CTDSPL: variants seen among roughly 807,000 people sequenced by gnomAD.
CTDSPL encodes CTD small phosphatase like.
CTDSPL carries 8 observed loss-of-function variants against 30.5 expected under a neutral mutation model. The ratio of observed to expected loss-of-function variants is 0.26; its 90% CI spans 0.15 to 0.47. CTDSPL has a LOEUF of 0.47. Among genes scored for constraint, CTDSPL ranks in the 20% least tolerant of loss-of-function variants. The probability of loss-of-function intolerance (pLI) is 0.99; values close to 1 mark genes in which losing one functional copy is unlikely to be tolerated. For synonymous variants in CTDSPL, 110 were observed against 137.9 expected (o/e 0.80, Z 1.42); for missense variants, 248 against 366.1 (o/e 0.68, Z 2.63).
chr3:37,961,652 G>A (rs1699246407), intron 3 of CTDSPL, among the ~76,000 whole-genome samples: 1 of 152,184 alleles, frequency 6.6e-6, no homozygotes, highest in Non-Finnish European at 1.5e-5. Context: ...GAACATACAA[G>A]CAGGACAGCT....
At chr3:37,949,735 G>A (rs1035305001) in intron 2 of CTDSPL, among the ~76,000 whole-genome samples, 39 of 152,172 alleles carry the variant, frequency 2.6e-4, no homozygotes, top group African/African-American at 9.4e-4. Context: ...ACCACATGTG[G>A]ATGTATAGAA....
chr3:37,915,199 A>C (rs973873297), intron 1 of CTDSPL, among the ~76,000 whole-genome samples: 2 of 152,090 alleles, frequency 1.3e-5, no homozygotes, highest in Non-Finnish European at 2.9e-5. Context: ...TTGATACTCC[A>C]TTGATCTGTT....
chr3:37,866,065 C>G (rs951824193), intron 1 of CTDSPL, among the ~76,000 whole-genome samples: 1 of 152,212 alleles, frequency 6.6e-6, no homozygotes, highest in African/African-American at 2.4e-5. Context: ...GAAATAACCT[C>G]ATTTGTGCTC....
intron 1 of CTDSPL, among the ~76,000 whole-genome samples, chr3:37,906,718 G>A (rs948244554): frequency 6.6e-6 from 1 of 152,170 alleles, no homozygotes; most frequent in African/African-American, 2.4e-5. Context: ...AGAGTGTAAA[G>A]TGTGCTGCTG....
chr3:37,942,464 A>G (rs1203830776), intron 1 of CTDSPL, among the ~76,000 whole-genome samples: 1 of 150,306 alleles, frequency 6.7e-6, no homozygotes, highest in Non-Finnish European at 1.5e-5. Context: ...GTAGCATGAC[A>G]AGACCCTGTC....
chr3:37,964,717 A>T lies in CTDSPL; in HGVS notation c.369+45A>T, dbSNP rs201920839. On this transcript the variant is annotated intron_variant, in intron 4 of 7. Coordinates refer to ENST00000273179, the MANE Select transcript of CTDSPL (RefSeq NM_001008392.2). Reference sequence around the variant, plus strand: ...AAATCCATGATCTTTGTGATTTGATAACAATTGTATTGGAAAAGGGAAAAC... The same window carrying T: ...AAATCCATGATCTTTGTGATTTGATTACAATTGTATTGGAAAAGGGAAAAC... 2.1e-6 allele frequency: 3 copies of T among 1,438,580 alleles called. No homozygotes were observed. In the East Asian group the frequency reaches 6.8e-5, roughly 33 times the overall value. 89.1% of individuals were successfully genotyped at this position (1,438,580 alleles called of 1,614,324 possible).
intron 1 of CTDSPL, among the ~76,000 whole-genome samples, chr3:37,917,057 C>T (rs1357090207): frequency 6.6e-6 from 1 of 152,210 alleles, no homozygotes; most frequent in Non-Finnish European, 1.5e-5. Flanking sequence ...TGACCCTGTA[C>T]TGATGCCTGT....
intron 1 of CTDSPL, chr3:37,944,728 T>C (rs1206170033): frequency 1.3e-5 from 2 of 150,324 alleles, no homozygotes; most frequent in African/African-American, 4.8e-5. Flanking sequence ...AAAGGAAGAA[T>C]CCTGGAACCT....
chr3:37,896,037 T>C (rs1182995377), intron 1 of CTDSPL, among the ~76,000 whole-genome samples: 1 of 152,206 alleles, frequency 6.6e-6, no homozygotes, highest in Non-Finnish European at 1.5e-5. Flanking sequence ...GGGATCTGCT[T>C]TTATAAACAG....
chr3:37,951,392 T>C (rs983909523), intron 2 of CTDSPL, among the ~76,000 whole-genome samples: 1 of 150,968 alleles, frequency 6.6e-6, no homozygotes, highest in Non-Finnish European at 1.5e-5. Context: ...ATGTTAGAAA[T>C]AGGCTGGGTG....
chr3:37,868,260 T>C (rs1184567516), intron 1 of CTDSPL, among the ~76,000 whole-genome samples: 2 of 152,128 alleles, frequency 1.3e-5, no homozygotes, highest in Non-Finnish European at 2.9e-5. Context: ...CATGTTCTAA[T>C]TGGATTTTTT....
chr3:37,873,245 G>T (rs1413428850), intron 1 of CTDSPL, among the ~76,000 whole-genome samples: 5 of 152,198 alleles, frequency 3.3e-5, no homozygotes, highest in Non-Finnish European at 5.9e-5. Context: ...GCATGAGTAG[G>T]TGTGTGGCGG....
At chr3:37,876,174 G>A (rs1335744154) in intron 1 of CTDSPL, among the ~76,000 whole-genome samples, 1 of 152,070 alleles carries the variant, frequency 6.6e-6, no homozygotes, top group Non-Finnish European at 1.5e-5. Context: ...AGCCTGGGAG[G>A]TGGAGGCTGT....
At chr3:37,924,709 T>C (rs1023401266) in intron 1 of CTDSPL, among the ~76,000 whole-genome samples, 3 of 152,238 alleles carry the variant, frequency 2.0e-5, no homozygotes, top group Non-Finnish European at 4.4e-5. Flanking sequence ...TAGTTTCTTA[T>C]GTGTTGTTGC....
Position 37,951,345 on chromosome 3 carries a change from GC to G in CTDSPL, c.234+4135del, listed in dbSNP as rs541797091. Among the ~76,000 whole-genome samples, 746 of 151,724 alleles carry G rather than the reference GC, an allele frequency of 4.9e-3. 22 individuals are homozygous for G. The South Asian group carries it at 0.077, about 16-fold the overall frequency. ...ATCGCCACACTGCACTCCAGCCTGG[GC>G]GAAAGAGCAAGACTCAGTCTCAAAA... On this transcript the variant is annotated intron_variant, in intron 2 of 7. Coordinates refer to ENST00000273179, the MANE Select transcript of CTDSPL (RefSeq NM_001008392.2).
In CTDSPL at chr3:37,984,162, C is replaced by A; in HGVS notation, c.*3295C>A. On this transcript the variant is annotated 3_prime_UTR_variant, in exon 8 of 8. Transcript: ENST00000273179. The stretch of plus-strand genomic sequence containing the variant: ...AAGAGTGAATGGCTTGACGTACTTG[C>A]AGTTAACTGTGCAAAATTGGCTGGC... 2.2e-6 allele frequency: 1 copy of A among 454,958 alleles called. No individual in the cohort carries two copies. The highest frequency in any genetic ancestry group is 2.3e-5 in the Admixed American group (1 of 42,574). The allele number at this position is 454,958 out of a possible 1,614,324, so 28.2% of individuals were successfully genotyped here. A position where few individuals can be genotyped will look rare whatever the true frequency, so the allele number is the denominator to read the frequency against.
At chr3:37,911,637 T>C (rs1334505979) in intron 1 of CTDSPL, 6 of 454,882 alleles carry the variant, frequency 1.3e-5, no homozygotes, top group Non-Finnish European at 2.7e-5. Flanking sequence ...GAAAAATGTT[T>C]GTCTGGTTGA....
chr3:37,940,087 G>A lies in CTDSPL; in HGVS notation c.80-6970G>A, dbSNP rs141732276. Among the ~76,000 whole-genome samples the A allele has an allele frequency of 1.0e-2, 1,488 of 149,448 alleles. 111 individuals carry two copies. Among genetic ancestry groups the A allele is most frequent in the Non-Finnish European group, 0.014 (946 of 66,716 alleles). On this transcript the variant is annotated intron_variant, in intron 1 of 7. Transcript: ENST00000273179. Reference sequence around the variant, plus strand: ...AGCCTGGGTGACAGAGCAAGACTCCGTCTCAAAAAAAAAAGCTATTTCTAT... The same window carrying A: ...AGCCTGGGTGACAGAGCAAGACTCCATCTCAAAAAAAAAAGCTATTTCTAT...
chr3:37,881,972 A>G (rs776323595), intron 1 of CTDSPL, among the ~76,000 whole-genome samples: 4 of 152,196 alleles, frequency 2.6e-5, no homozygotes, highest in Non-Finnish European at 5.9e-5. Context: ...AGTTCAATAT[A>G]TAATTGTGAT....
Sources: allele counts gnomAD v4.1 joint callset (sites outside exome capture counted in the v4.1 genomes callset), GRCh38; gene constraint gnomAD v4.1.1; transcripts MANE v1.5; gene names NCBI Gene and HGNC (gene_info 2026-07-23, HGNC 2026-07-21).